Variants in CCDC40 observed in about 807,000 individuals in gnomAD.
CCDC40 encodes coiled-coil domain-containing protein 40.
Under a neutral mutation model 124.5 loss-of-function variants are expected in CCDC40, and 104 were observed. That is an observed-to-expected ratio of 0.84 (90% CI 0.71 to 0.98). The LOEUF is 0.98. Ranked by LOEUF, CCDC40 falls within the 50% of genes least tolerant of loss-of-function variation. The pLI is 0.00. For synonymous variants in CCDC40, 580 were observed against 602.9 expected (o/e 0.96, Z 0.56); for missense variants, 1,463 against 1,503.9 (o/e 0.97, Z 0.45).
chr17:80,082,706 G>C (rs544631259), intron 12 of CCDC40, among the ~76,000 whole-genome samples: 8 of 152,282 alleles, frequency 5.3e-5, no homozygotes, highest in African/African-American at 1.9e-4. Context: ...GGCGTGGTGG[G>C]TGTGAAGGAG....
chr17:80,085,212 T>C (rs2038557562), intron 13 of CCDC40, among the ~76,000 whole-genome samples: 1 of 152,208 alleles, frequency 6.6e-6, no homozygotes, highest in Non-Finnish European at 1.5e-5. Context: ...AGTTGGTCTC[T>C]CTGGCAGTGA....
rs1490428486 is a variant in CCDC40 at position 80,087,724 on chromosome 17, A to G, written c.2567A>G (p.Glu856Gly). 3 of 1,614,008 alleles carry G rather than the reference A, an allele frequency of 1.9e-6. No homozygotes were observed. Among genetic ancestry groups the G allele is most frequent in the African/African-American group, 1.3e-5 (1 of 74,928 alleles). Residue 856 changes from glutamate to glycine, a missense_variant, in exon 15 of 20, where the codon GAG (glutamate) becomes GGG (glycine). Physicochemically the swap from Glu to Gly is moderately conservative, Grantham distance 98. Coordinates refer to ENST00000397545, the MANE Select transcript of CCDC40 (RefSeq NM_017950.4). The surrounding 1 kb of genome is among the most constrained non-coding windows in gnomAD (Gnocchi z 4.5). ...AATAAAAACCGGTGCAGCTCGGAGG[A>G]GCTGGAGCAGAACAACCGGGTGACA... ...LMNKNRCSSE[E>G]LEQNNRVTEN...
intron 17 of CCDC40, chr17:80,090,508 G>A (rs2038705548): frequency 3.3e-6 from 5 of 1,525,042 alleles, no homozygotes; most frequent in South Asian, 1.2e-5. Context: ...CTCACAAAAC[G>A]CTGTTTTATT....
chr17:80,088,309 C>G (rs2038633436), intron 16 of CCDC40: 1 of 609,324 alleles, frequency 1.6e-6, no homozygotes, highest in African/African-American at 1.8e-5. Context: ...TGGAGTGCAG[C>G]CGTGCGATCT....
rs551900366 is a variant in CCDC40 at position 80,078,985 on chromosome 17, G to C, written c.1563-2561G>C. 4.0e-5 allele frequency among the ~76,000 whole-genome samples: 6 copies of C among 148,642 alleles called. No homozygotes were observed. In the East Asian group the frequency reaches 1.2e-3, roughly 29 times the overall value. ...GTCTTGCTCTATCACCTGGGCTGGA[G>C]TGCAGCGGAACAATCTCAGCTTACT... On this transcript the variant is annotated intron_variant, in intron 10 of 19. Transcript: ENST00000397545.
intron 10 of CCDC40, among the ~76,000 whole-genome samples, chr17:80,069,778 A>AAG (rs578217944): frequency 2.0e-5 from 3 of 151,692 alleles, no homozygotes; most frequent in South Asian, 2.1e-4. Flanking sequence ...AAAGAAAAAA[A>AAG]AGAGAGAGAG....
chr17:80,090,007 G>A, intron 17 of CCDC40, 123 bp downstream of exon 17: 2 of 1,539,598 alleles, frequency 1.3e-6, no homozygotes, highest in Non-Finnish European at 1.8e-6. Context: ...GGCCACATTG[G>A]CTGGTGGCAA....
chr17:80,067,605 C>CT (rs2038079247), intron 10 of CCDC40: 1 of 1,536,232 alleles, frequency 6.5e-7, no homozygotes, highest in African/African-American at 1.4e-5. Flanking sequence ...GGGAAGCTTC[C>CT]TGCCCGGGGC....
Position 80,081,911 on chromosome 17 carries a change from C to T in CCDC40, c.1842C>T (p.Ile614=). The T allele has an allele frequency of 6.2e-7, 1 of 1,614,108 alleles. No individual in the cohort carries two copies. The highest frequency in any genetic ancestry group is 8.5e-7 in the Non-Finnish European group (1 of 1,180,016). Residue 614 remains isoleucine (I), a synonymous_variant, in exon 12 of 20, where the codon ATC becomes ATT. Coordinates refer to ENST00000397545, the MANE Select transcript of CCDC40 (RefSeq NM_017950.4). ...TACTCACGGAGGAGTTGCAGGCCAT[C>T]CGCCAAGCCATCCAGGGCGAGCTGG... ...QMILTEELQA[I]RQAIQGELEL... is the part of the protein sequence containing the mutation.
chr17:80,053,283 G>C (rs576600005), intron 7 of CCDC40, among the ~76,000 whole-genome samples: 1 of 152,312 alleles, frequency 6.6e-6, no homozygotes, highest in South Asian at 2.1e-4. Context: ...AATGCTGCAG[G>C]CTTCCAGGCG....
intron 9 of CCDC40, among the ~76,000 whole-genome samples, chr17:80,061,324 C>T (rs1000758199): frequency 1.3e-5 from 2 of 152,086 alleles, no homozygotes; most frequent in African/African-American, 2.4e-5. Context: ...TCAGCCTGGG[C>T]GACAGAGCCA....
At chr17:80,097,195 G>A (rs529098987) in intron 18 of CCDC40, 50 bp from the exon 19 acceptor site, 64 of 1,605,172 alleles carry the variant, frequency 4.0e-5, no homozygotes, top group South Asian at 1.3e-4. Context: ...TTCCCTGTCC[G>A]CCAAGTAGCC....
At chr17:80,064,324 T>C (rs2037979169) in intron 9 of CCDC40, among the ~76,000 whole-genome samples, 2 of 152,178 alleles carry the variant, frequency 1.3e-5, no homozygotes, top group South Asian at 4.1e-4. Flanking sequence ...CTTCTGGGAC[T>C]TGGCGTTCTA....
At chr17:80,064,270 G>T (rs2143671799) in intron 9 of CCDC40, among the ~76,000 whole-genome samples, 1 of 152,314 alleles carries the variant, frequency 6.6e-6, no homozygotes, top group South Asian at 2.1e-4. Flanking sequence ...CTGTGGTTCA[G>T]TCACTGTCTA....
chr17:80,067,378 C>G (rs2038072594), intron 10 of CCDC40: 1 of 595,318 alleles, frequency 1.7e-6, no homozygotes, highest in Admixed American at 2.8e-5. Context: ...TCTGGGATCC[C>G]CTGCCTAACT....
intron 9 of CCDC40, among the ~76,000 whole-genome samples, chr17:80,064,393 T>C (rs897245973): frequency 1.3e-5 from 2 of 148,574 alleles, no homozygotes; most frequent in African/African-American, 5.3e-5. Context: ...AGTGCTTGCA[T>C]TGGGGATGAC....
In CCDC40 at chr17:80,087,197, T is replaced by C; in HGVS notation, c.2450-410T>C. On this transcript the variant is annotated intron_variant, in intron 14 of 19. Coordinates refer to ENST00000397545, the MANE Select transcript of CCDC40 (RefSeq NM_017950.4). The surrounding 1 kb of genome is among the most constrained non-coding windows in gnomAD (Gnocchi z 4.5). ...TTCTGCCCCTACCCCTGAGCTTGGC[T>C]GGGGCAGGGCAGGGGTCTAAGGGCC... is the stretch of plus-strand genomic sequence containing the variant. 3.6e-6 allele frequency: 1 copy of C among 275,238 alleles called. No individual in the cohort carries two copies. The highest frequency in any genetic ancestry group is 7.2e-6 in the Non-Finnish European group (1 of 139,718). The allele number at this position is 275,238 out of a possible 1,614,324, so 17.0% of individuals were successfully genotyped here.
intron 7 of CCDC40, among the ~76,000 whole-genome samples, chr17:80,053,619 GTCTC>G (rs1227236189): frequency 6.6e-6 from 1 of 152,176 alleles, no homozygotes; most frequent in African/African-American, 2.4e-5. Flanking sequence ...TTGAGATGGA[GTCTC>G]TCTCTGTCGC....
chr17:80,051,864 C>T (rs1030487212), intron 7 of CCDC40, among the ~76,000 whole-genome samples: 1 of 152,220 alleles, frequency 6.6e-6, no homozygotes, highest in African/African-American at 2.4e-5. Context: ...TCCGGCTCCC[C>T]TCTGCTAGGG....
Sources: allele counts gnomAD v4.1 joint callset (sites outside exome capture counted in the v4.1 genomes callset), GRCh38; gene constraint gnomAD v4.1.1; non-coding constraint Gnocchi (gnomAD v3.1); transcripts MANE v1.5; gene names NCBI Gene and HGNC (gene_info 2026-07-23, HGNC 2026-07-21).